DENND1A: variants seen among roughly 807,000 people sequenced by gnomAD.
The protein encoded by DENND1A is DENN domain containing 1A.
Under a neutral mutation model 113.7 loss-of-function variants are expected in DENND1A, and 51 were observed. The ratio of observed to expected loss-of-function variants is 0.45; its 90% confidence interval spans 0.36 to 0.57. The LOEUF is 0.57. Among genes scored for constraint, DENND1A ranks in the 20% least tolerant of loss-of-function variants. The pLI is 0.00. For missense variants in DENND1A, 1,258 were observed against 1,395.9 expected (o/e 0.90, Z 1.57); for synonymous variants, 565 against 570.8 (o/e 0.99, Z 0.14).
intron 2 of DENND1A, chr9:123,843,121 T>C (rs2077282997): frequency 3.7e-6 from 2 of 547,662 alleles, no homozygotes; most frequent in African/African-American, 3.8e-5. Flanking sequence ...ATTCCATCAT[T>C]CTTCTTGGAG....
intron 2 of DENND1A, among the ~76,000 whole-genome samples, chr9:123,822,281 A>G (rs1271782608): frequency 6.6e-6 from 1 of 152,264 alleles, no homozygotes; most frequent in Non-Finnish European, 1.5e-5. Context: ...ATATAATGTT[A>G]CTACCATCAC....
At chr9:123,441,238 T>A (rs1347154560) in intron 18 of DENND1A, among the ~76,000 whole-genome samples, 1 of 152,230 alleles carries the variant, frequency 6.6e-6, no homozygotes, top group African/African-American at 2.4e-5. Flanking sequence ...TAAAAATGTA[T>A]CGCTAATTTA....
rs953277101 is a variant in DENND1A, at chr9:123,503,261, C to A, written c.994-45364G>T. Among the ~76,000 whole-genome samples the A allele has an allele frequency of 9.2e-5, 14 of 152,142 alleles. 1 individual carries two copies. The highest frequency in any genetic ancestry group is 2.6e-4 in the Admixed American group (4 of 15,274). ...GCATAGTCAACTACTCTCTTTATGC[C>A]TCTGTCTCCTTATTCATCAAAGTGG... On this transcript the variant is annotated intron_variant, in intron 13 of 23. Transcript: ENST00000394215.
chr9:123,865,633 T>G (rs1220014962), intron 2 of DENND1A, among the ~76,000 whole-genome samples: 1 of 152,252 alleles, frequency 6.6e-6, no homozygotes, highest in African/African-American at 2.4e-5. Flanking sequence ...TAGTTCAAAC[T>G]GAGAGAAACT....
At chr9:123,700,041 CA>C (rs1306731374) in intron 5 of DENND1A, among the ~76,000 whole-genome samples, 2 of 152,128 alleles carry the variant, frequency 1.3e-5, no homozygotes, top group African/African-American at 4.8e-5. Flanking sequence ...ATTACCTTGG[CA>C]CCTTTCTAAA....
rs115916459 is a variant in DENND1A at position 123,593,864 on chromosome 9, C to T, written c.766-10594G>A. Among the ~76,000 whole-genome samples the T allele has an allele frequency of 3.0e-3, 460 of 152,196 alleles. 3 individuals are homozygous for T. Among genetic ancestry groups the T allele is most frequent in the African/African-American group, 0.011 (437 of 41,524 alleles). ...GGGGCCTGGTGGGAGGTGACTGGAT[C>T]GTGGGGGCTAATTTCCCCCTTGCTG... On this transcript the variant is annotated intron_variant, in intron 11 of 23. Transcript: ENST00000394215.
rs764839943 is a variant in DENND1A at position 123,422,074 on chromosome 9, C to T, written c.1489-10245G>A. ...CTCTCTATTCCTGGCCCACAAAAGTCGGGCACTCCTACCTCTGTCCTTCCC... is the reference window on the plus strand; with the variant it reads ...CTCTCTATTCCTGGCCCACAAAAGTTGGGCACTCCTACCTCTGTCCTTCCC... On this transcript the variant is annotated intron_variant, in intron 19 of 23. Coordinates refer to ENST00000394215, the MANE Select transcript of DENND1A (RefSeq NM_001352964.2). The surrounding 1 kb of genome is among the most constrained non-coding windows in gnomAD (Gnocchi z 4.8). Among the ~76,000 whole-genome samples, 45 of 152,314 alleles carry T rather than the reference C, an allele frequency of 3.0e-4. No homozygotes were observed. The highest frequency in any genetic ancestry group is 5.4e-4 in the Non-Finnish European group (37 of 68,030).
intron 2 of DENND1A, among the ~76,000 whole-genome samples, chr9:123,862,919 T>C (rs1482732336): frequency 6.6e-6 from 1 of 152,228 alleles, no homozygotes; most frequent in Non-Finnish European, 1.5e-5. Flanking sequence ...AGATCTTGCT[T>C]TCTCTCATTT....
At chr9:123,690,828 A>C (rs1313973337) in intron 5 of DENND1A, among the ~76,000 whole-genome samples, 2 of 152,254 alleles carry the variant, frequency 1.3e-5, no homozygotes, top group East Asian at 3.8e-4. Flanking sequence ...GAGTGAGCTT[A>C]GTAACTGTGA....
chr9:123,463,586 C>T (rs1240919862), intron 13 of DENND1A, among the ~76,000 whole-genome samples: 1 of 152,116 alleles, frequency 6.6e-6, no homozygotes, highest in Non-Finnish European at 1.5e-5. Flanking sequence ...GAATCTCAGA[C>T]CTCTTTATGG....
Position 123,926,409 on chromosome 9 carries a change from TAAAG to T in DENND1A, c.17+3476_17+3479del, listed in dbSNP as rs559828799. 2.0e-5 allele frequency among the ~76,000 whole-genome samples: 3 copies of T among 151,862 alleles called. No individual in the cohort carries two copies. In the East Asian group the frequency reaches 5.8e-4, roughly 29 times the overall value. On this transcript the variant is annotated intron_variant, in intron 1 of 23. Coordinates refer to ENST00000394215, the MANE Select transcript of DENND1A (RefSeq NM_001352964.2). ...ACGGGAGAAACCCGTCTCTACCAAATAAAGAAAATTAGCCAGGCATGGTGTCTCA... is the reference window on the plus strand; with the variant it reads ...ACGGGAGAAACCCGTCTCTACCAAATAAAATTAGCCAGGCATGGTGTCTCA...
intron 5 of DENND1A, among the ~76,000 whole-genome samples, chr9:123,679,124 T>C (rs916119817): frequency 6.6e-6 from 1 of 152,132 alleles, no homozygotes; most frequent in African/African-American, 2.4e-5. Flanking sequence ...GGAAGTAGAA[T>C]CTTGCAAGAA....
intron 2 of DENND1A, among the ~76,000 whole-genome samples, chr9:123,858,993 A>G (rs1844684402): frequency 6.6e-6 from 1 of 152,246 alleles, no homozygotes; most frequent in African/African-American, 2.4e-5. Context: ...AGTCATGTGT[A>G]GTTCACAGAG....
chr9:123,653,859 T>C (rs1223719333), intron 8 of DENND1A, among the ~76,000 whole-genome samples: 1 of 151,602 alleles, frequency 6.6e-6, no homozygotes, highest in Non-Finnish European at 1.5e-5. Flanking sequence ...CCCAACAAGC[T>C]TGAGACAGGC....
intron 13 of DENND1A, among the ~76,000 whole-genome samples, chr9:123,551,836 A>G (rs781050610): frequency 1.3e-5 from 2 of 152,140 alleles, no homozygotes; most frequent in African/African-American, 2.4e-5. Context: ...CGCAGAAAGC[A>G]CAGATGGGGA....
intron 5 of DENND1A, among the ~76,000 whole-genome samples, chr9:123,687,535 G>A (rs1185814399): frequency 6.6e-6 from 1 of 152,180 alleles, no homozygotes; most frequent in African/African-American, 2.4e-5. Flanking sequence ...TAAGCGATAA[G>A]GCCAGAGATT....
At position 123,535,155 on chromosome 9, in the gene DENND1A, C is replaced by T. The variant is rs557958907; in HGVS notation, c.993+22415G>A. 8.5e-5 allele frequency among the ~76,000 whole-genome samples: 13 copies of T among 152,306 alleles called. No homozygotes were observed. In the South Asian group the frequency reaches 1.9e-3, roughly 22 times the overall value. The stretch of plus-strand genomic sequence containing the variant: ...CCCTAGACCCTTGACTATTACCTGA[C>T]GTTCACTCTGTTGTCCCTACAGCCC... On this transcript the variant is annotated intron_variant, in intron 13 of 23. Coordinates refer to ENST00000394215, the MANE Select transcript of DENND1A (RefSeq NM_001352964.2).
At chr9:123,500,688 T>C (rs547293200) in intron 13 of DENND1A, among the ~76,000 whole-genome samples, 2 of 152,166 alleles carry the variant, frequency 1.3e-5, no homozygotes, top group Non-Finnish European at 2.9e-5. Context: ...AAAGACAGTG[T>C]TCTGTTCACT....
chr9:123,588,049 G>A (rs1308935991), intron 11 of DENND1A, among the ~76,000 whole-genome samples: 1 of 152,060 alleles, frequency 6.6e-6, no homozygotes, highest in African/African-American at 2.4e-5. Flanking sequence ...AGGCCGAAGT[G>A]AGCAGATCAC....
Sources: gnomAD v4.1 joint callset for allele counts (sites outside exome capture counted in the v4.1 genomes callset) on GRCh38, gnomAD v4.1.1 for gene constraint, Gnocchi (gnomAD v3.1) non-coding constraint, MANE v1.5 for transcripts, NCBI Gene and HGNC (gene_info 2026-07-23, HGNC 2026-07-21) for gene names.